Variants in TMOD1 observed in about 807,000 individuals in gnomAD.
TMOD1 encodes the protein tropomodulin-1.
A neutral mutation model predicts 40.6 loss-of-function variants in TMOD1; 17 were observed. That is an observed-to-expected ratio of 0.42 (90% CI 0.29 to 0.63). TMOD1 has a LOEUF of 0.63. Ranked by LOEUF, TMOD1 falls within the 20% of genes least tolerant of loss-of-function variation. TMOD1 has a pLI of 0.22. For missense variants in TMOD1, 391 were observed against 447.6 expected (o/e 0.87, Z 1.14); for synonymous variants, 181 against 175.0 (o/e 1.03, Z -0.27).
chr9:97,589,279 ATTTT>A (rs563136711), intron 8 of TMOD1, among the ~76,000 whole-genome samples: 1,235 of 109,472 alleles, frequency 0.011, 13 homozygotes, highest in African/African-American at 0.046. Flanking sequence ...AAACTCACTA[ATTTT>A]TTTTTTTTTT....
At chr9:97,556,033 C>G (rs536484946) in intron 4 of TMOD1, among the ~76,000 whole-genome samples, 6 of 151,490 alleles carry the variant, frequency 4.0e-5, no homozygotes, top group African/African-American at 1.2e-4. Flanking sequence ...GATGCCACAC[C>G]AAGGAGATGA....
chr9:97,570,991 A>C (rs1331477748), intron 8 of TMOD1, among the ~76,000 whole-genome samples: 1 of 152,170 alleles, frequency 6.6e-6, no homozygotes, highest in African/African-American at 2.4e-5. Flanking sequence ...TGCCTCGCTC[A>C]TTCTCAGGCC....
chr9:97,600,686 T>TA lies in TMOD1; in HGVS notation c.*989dup. 1 of 1,001,764 alleles carries TA rather than the reference T, an allele frequency of 1.0e-6. No individual in the cohort carries two copies. Among genetic ancestry groups the TA allele is most frequent in the Non-Finnish European group, 1.2e-6 (1 of 839,930 alleles). 62.1% of individuals were successfully genotyped at this position (1,001,764 alleles called of 1,614,324 possible). A position where few individuals can be genotyped will look rare whatever the true frequency, so the allele number is the denominator to read the frequency against. On this transcript the variant is annotated 3_prime_UTR_variant, in exon 10 of 10. Coordinates refer to ENST00000259365, the MANE Select transcript of TMOD1 (RefSeq NM_003275.4). ...AATTGCTGCTGACCTTACGCCTGTA[T>TA]ATTAAGCCTCCGCAGGATGCCGGAC...
rs766168183 is a variant in TMOD1 at position 97,513,388 on chromosome 9, G to C, written c.-48-10753G>C. On this transcript the variant is annotated intron_variant, in intron 1 of 9. Coordinates refer to ENST00000259365, the MANE Select transcript of TMOD1 (RefSeq NM_003275.4). The surrounding 1 kb of genome is among the most constrained non-coding windows in gnomAD (Gnocchi z 4.1). ...ATGCCTGAGGCTGCCCAGTCAGCTA[G>C]AGCCAGGGGTAGGGATTTCAGCCCA... Among the ~76,000 whole-genome samples, 5 of 152,190 alleles carry C rather than the reference G, an allele frequency of 3.3e-5. No individual in the cohort carries two copies. The highest frequency in any genetic ancestry group is 5.9e-5 in the Non-Finnish European group (4 of 68,040).
chr9:97,530,588 C>T (rs1448064069), intron 2 of TMOD1, among the ~76,000 whole-genome samples: 5 of 151,428 alleles, frequency 3.3e-5, no homozygotes, highest in Non-Finnish European at 5.9e-5. Context: ...CCCGGGTCCA[C>T]GCCATTCTCC....
chr9:97,566,543 T>C (rs1184437568), intron 7 of TMOD1, among the ~76,000 whole-genome samples: 1 of 152,090 alleles, frequency 6.6e-6, no homozygotes, highest in East Asian at 1.9e-4. Flanking sequence ...TGGTGGTGCA[T>C]GCCTGTAATC....
intron 8 of TMOD1, among the ~76,000 whole-genome samples, chr9:97,583,988 TG>T (rs1200551092): frequency 7.2e-5 from 11 of 152,154 alleles, no homozygotes; most frequent in Non-Finnish European, 1.5e-5. Flanking sequence ...GGGTTTTTTT[TG>T]TCTCTATTTC....
chr9:97,562,885 C>G (rs1830662655), intron 5 of TMOD1, 64 bp downstream of exon 5: 1 of 1,336,354 alleles, frequency 7.5e-7, no homozygotes, highest in African/African-American at 1.5e-5. Context: ...CACTGATGTT[C>G]TCTGGCTCAT....
At chr9:97,542,731 T>C (rs369151644) in intron 2 of TMOD1, among the ~76,000 whole-genome samples, 14 of 151,744 alleles carry the variant, frequency 9.2e-5, no homozygotes, top group African/African-American at 3.4e-4. Flanking sequence ...TGGGCATCTG[T>C]AGTCCCAGCT....
intron 2 of TMOD1, among the ~76,000 whole-genome samples, chr9:97,525,068 T>C (rs1829989408): frequency 6.6e-6 from 1 of 151,334 alleles, no homozygotes; most frequent in Non-Finnish European, 1.5e-5. Context: ...CTTTAAACCA[T>C]ACTTAATTTC....
chr9:97,542,890 G>A (rs1465257917), intron 2 of TMOD1, among the ~76,000 whole-genome samples: 3 of 151,496 alleles, frequency 2.0e-5, no homozygotes, highest in African/African-American at 7.3e-5. Flanking sequence ...AAGAAATGTG[G>A]CAATGTTTGG....
intron 8 of TMOD1, among the ~76,000 whole-genome samples, chr9:97,588,147 T>C (rs1825919877): frequency 6.6e-6 from 1 of 152,260 alleles, no homozygotes; most frequent in Non-Finnish European, 1.5e-5. Context: ...GGTAGCTCTA[T>C]GTTTAACTTT....
intron 8 of TMOD1, among the ~76,000 whole-genome samples, chr9:97,569,270 G>A (rs1430056596): frequency 1.3e-5 from 2 of 152,136 alleles, no homozygotes; most frequent in Non-Finnish European, 2.9e-5. Flanking sequence ...CATGATGGGG[G>A]ACACACTCCT....
intron 9 of TMOD1, 39 bp from the exon 10 acceptor site, chr9:97,599,594 AG>A: frequency 6.2e-7 from 1 of 1,613,744 alleles, no homozygotes; most frequent in Non-Finnish European, 8.5e-7. Flanking sequence ...CCTGGTCTAC[AG>A]GGAAAAGTGC....
At chr9:97,524,413 A>G (rs2131221922) in intron 2 of TMOD1, 105 bp downstream of exon 2, 1 of 1,389,510 alleles carries the variant, frequency 7.2e-7, no homozygotes, top group South Asian at 1.4e-5. Flanking sequence ...TTCCATGGCA[A>G]TGACATTGGT....
At chr9:97,525,154 A>G (rs1829992162) in intron 2 of TMOD1, among the ~76,000 whole-genome samples, 1 of 152,144 alleles carries the variant, frequency 6.6e-6, no homozygotes, top group Non-Finnish European at 1.5e-5. Flanking sequence ...AAAACACACT[A>G]TCACCTTCCC....
intron 2 of TMOD1, among the ~76,000 whole-genome samples, chr9:97,536,918 G>GT (rs1315633647): frequency 1.3e-5 from 2 of 152,130 alleles, no homozygotes; most frequent in African/African-American, 2.4e-5. Flanking sequence ...AAAATTCCTT[G>GT]TTTTTTTGTC....
At chr9:97,549,831 C>G (rs1261251613) in intron 3 of TMOD1, among the ~76,000 whole-genome samples, 1 of 152,166 alleles carries the variant, frequency 6.6e-6, no homozygotes, top group Non-Finnish European at 1.5e-5. Flanking sequence ...CTAATCATCT[C>G]CGTACCTCCA....
rs375697532 is a variant in TMOD1 at position 97,533,930 on chromosome 9, T to C, written c.120+9622T>C. Among the ~76,000 whole-genome samples, 17 of 152,238 alleles carry C rather than the reference T, an allele frequency of 1.1e-4. No individual in the cohort carries two copies. In the South Asian group the frequency reaches 3.5e-3, roughly 32 times the overall value. ...GCTCAGCTCCCCAGACTTCTCAGAG[T>C]CCTAGACTTTGTCCAGCTCATCTTT... On this transcript the variant is annotated intron_variant, in intron 2 of 9. Coordinates refer to ENST00000259365, the MANE Select transcript of TMOD1 (RefSeq NM_003275.4).
Sources: gnomAD v4.1 joint callset for allele counts (sites outside exome capture counted in the v4.1 genomes callset) on GRCh38, gnomAD v4.1.1 for gene constraint, Gnocchi (gnomAD v3.1) non-coding constraint, MANE v1.5 for transcripts, NCBI Gene and HGNC (gene_info 2026-07-23, HGNC 2026-07-21) for gene names.